The following CAPN3 variants were observed in gnomAD, a reference collection of about 807,000 sequenced individuals.
CAPN3 encodes the protein calpain 3.
In CAPN3, 88 loss-of-function variants were observed where a neutral mutation model predicts 114.0. The observed-to-expected ratio is 0.77, with a 90% CI of 0.65 to 0.92. The LOEUF is 0.92. CAPN3 is among the 40% of genes least tolerant of loss of function. The pLI, the probability that CAPN3 is intolerant of heterozygous loss-of-function variation, is 0.00. For missense variants in CAPN3, 1,028 were observed against 1,069.0 expected, an observed-to-expected ratio of 0.96 and a Z score of 0.53; for synonymous variants, 386 against 382.9, an observed-to-expected ratio of 1.01 and a Z score of -0.09.
chr15:42,391,795 C>G (rs983364714), intron 6 of CAPN3, among the ~76,000 whole-genome samples: 4 of 152,126 alleles, frequency 2.6e-5, no homozygotes, highest in Admixed American at 6.5e-5. Flanking sequence ...AGAATTCTCT[C>G]CCTGGGCACT....
chr15:42,381,562 A>T (rs1387591800), intron 1 of CAPN3, among the ~76,000 whole-genome samples: 1 of 152,074 alleles, frequency 6.6e-6, no homozygotes, highest in Non-Finnish European at 1.5e-5. Context: ...TTTTTCTGAG[A>T]CAGAGTCTCA....
At chr15:42,407,576 G>T (rs1018553593) in intron 15 of CAPN3, among the ~76,000 whole-genome samples, 1 of 152,142 alleles carries the variant, frequency 6.6e-6, no homozygotes, top group African/African-American at 2.4e-5. Flanking sequence ...TGATCTGCCT[G>T]CTTCGGCCTC....
rs769632534 is a variant in CAPN3 at position 42,402,771 on chromosome 15, C to G, written c.1537-23C>G. 6.8e-6 allele frequency: 11 copies of G among 1,612,314 alleles called. No individual in the cohort carries two copies. In the African/African-American group the frequency reaches 1.5e-4, roughly 22 times the overall value. ...TGTTCCTCCCGAGGGGCTCATGTGC[C>G]CTGGGCTCTCCCCATCTCTCAGATG... is the stretch of plus-strand genomic sequence containing the variant. On this transcript the variant is annotated intron_variant, in intron 12 of 23. Coordinates refer to ENST00000397163, the MANE Select transcript of CAPN3 (RefSeq NM_000070.3).
chr15:42,382,139 A>C (rs1412932729), intron 1 of CAPN3, among the ~76,000 whole-genome samples: 1 of 152,116 alleles, frequency 6.6e-6, no homozygotes, highest in Non-Finnish European at 1.5e-5. Flanking sequence ...TTGCTACTGG[A>C]AAGTCTGATA....
intron 7 of CAPN3, among the ~76,000 whole-genome samples, chr15:42,393,441 T>TA (rs1353600860): frequency 6.6e-6 from 1 of 152,230 alleles, no homozygotes; most frequent in African/African-American, 2.4e-5. Flanking sequence ...AGGAACGTTG[T>TA]AAGACCTGTT....
chr15:42,377,799 G>A (rs917669715), intron 1 of CAPN3, among the ~76,000 whole-genome samples: 2 of 152,028 alleles, frequency 1.3e-5, no homozygotes, highest in Admixed American at 6.6e-5. Flanking sequence ...TCTGGTTCTG[G>A]TGCCTTCTTT....
intron 1 of CAPN3, among the ~76,000 whole-genome samples, chr15:42,368,689 GAAT>G (rs2052851884): frequency 6.6e-6 from 1 of 152,176 alleles, no homozygotes; most frequent in Non-Finnish European, 1.5e-5. Flanking sequence ...TAACTACCAA[GAAT>G]AATGAGTATT....
At position 42,409,972 on chromosome 15, in the gene CAPN3, C is replaced by T. The variant is rs764370512; in HGVS notation, c.2092C>T (p.Arg698Cys). 8 of 1,612,032 alleles carry T rather than the reference C, an allele frequency of 5.0e-6. No homozygotes were observed. Among genetic ancestry groups the T allele is most frequent in the Admixed American group, 1.7e-5 (1 of 59,994 alleles). ...KTHGFTLESC[R>C]SMIALMDTDG... The stretch of plus-strand genomic sequence containing the variant: ...ACACGGGTTCACACTGGAGTCCTGC[C>T]GTAGCATGATTGCGCTCATGGATGT... Residue 698 changes from arginine (R) to cysteine (C), a missense_variant, in exon 19 of 24, where the codon CGT (arginine) becomes TGT (cysteine). Transcript: ENST00000397163.
chr15:42,392,820 C>A, intron 7 of CAPN3, 98 bp downstream of exon 7: 1 of 870,974 alleles, frequency 1.1e-6, no homozygotes, highest in Non-Finnish European at 1.9e-6. Context: ...GTCTGCAGAG[C>A]TTGCCTCCAA....
chr15:42,398,520 G>T (rs2141190292), intron 9 of CAPN3, among the ~76,000 whole-genome samples: 1 of 150,672 alleles, frequency 6.6e-6, no homozygotes, highest in South Asian at 2.1e-4. Flanking sequence ...GGAGGTGGAG[G>T]TTGCAGTGAG....
intron 1 of CAPN3, among the ~76,000 whole-genome samples, chr15:42,376,328 C>G (rs1020207213): frequency 1.3e-5 from 2 of 152,190 alleles, no homozygotes; most frequent in African/African-American, 4.8e-5. Flanking sequence ...GAATCTGCAT[C>G]AATTATTGGG....
intron 15 of CAPN3, among the ~76,000 whole-genome samples, chr15:42,407,129 A>G (rs1185813324): frequency 6.6e-6 from 1 of 152,138 alleles, no homozygotes; most frequent in Non-Finnish European, 1.5e-5. Context: ...TGTTGGCACC[A>G]TGCAGCAGCC....
chr15:42,390,152 C>T lies in CAPN3; in HGVS notation c.945+56C>T, dbSNP rs28364427. 8,595 of 1,599,366 alleles carry T rather than the reference C, an allele frequency of 5.4e-3. 405 individuals carry two copies. The African/African-American group carries it at 0.1, about 19-fold the overall frequency. On this transcript the variant is annotated intron_variant, in intron 6 of 23. Coordinates refer to ENST00000397163, the MANE Select transcript of CAPN3 (RefSeq NM_000070.3). ...CATCCCTCCAACCCACATGACCCCGCCCTATTAGTGTCAGACTCCCCTCAG... is the reference window on the plus strand; with the variant it reads ...CATCCCTCCAACCCACATGACCCCGTCCTATTAGTGTCAGACTCCCCTCAG...
chr15:42,411,455 G>A (rs997504897), intron 23 of CAPN3, 110 bp downstream of exon 23: 4 of 1,042,748 alleles, frequency 3.8e-6, no homozygotes, highest in Admixed American at 3.4e-5. Context: ...CAGTGGTGGA[G>A]GGAAGGGATA....
chr15:42,400,225 C>T (rs954112549), intron 10 of CAPN3, among the ~76,000 whole-genome samples: 1 of 152,146 alleles, frequency 6.6e-6, no homozygotes. Flanking sequence ...ACTGTGAGTA[C>T]TGTGTCAGTA....
Position 42,388,921 on chromosome 15 carries a change from C to T in CAPN3, c.633-7C>T, listed in dbSNP as rs1346740999. On this transcript the variant is annotated splice_polypyrimidine_tract_variant and splice_region_variant and intron_variant, in intron 4 of 23. Transcript: ENST00000397163. ...GACCCCAAATTGGTCTTCATCCTCTCTCTAAGGCTCCATGGTTCCTACGAA... is the reference window on the plus strand; with the variant it reads ...GACCCCAAATTGGTCTTCATCCTCTTTCTAAGGCTCCATGGTTCCTACGAA... 6 of 1,613,800 alleles carry T rather than the reference C, an allele frequency of 3.7e-6. No homozygotes were observed. The East Asian group carries it at 1.1e-4, about 30-fold the overall frequency.
chr15:42,405,608 G>C (rs961937511), intron 14 of CAPN3, among the ~76,000 whole-genome samples: 3 of 152,068 alleles, frequency 2.0e-5, no homozygotes, highest in Admixed American at 2.0e-4. Flanking sequence ...CAGCACGCCC[G>C]GCCACCAATT....
intron 2 of CAPN3, chr15:42,385,590 T>G: frequency 2.0e-6 from 1 of 502,028 alleles, no homozygotes. Flanking sequence ...TCCAACTACA[T>G]ACAGTACTCT....
At chr15:42,385,715 C>G (rs777641178) in intron 2 of CAPN3, 2 of 520,878 alleles carry the variant, frequency 3.8e-6, no homozygotes, top group Non-Finnish European at 7.7e-6. Context: ...GGCCTTCCTT[C>G]CAATACAAAT....
Sources: gnomAD v4.1 joint callset for allele counts (sites outside exome capture counted in the v4.1 genomes callset) on GRCh38, gnomAD v4.1.1 for gene constraint, MANE v1.5 for transcripts, NCBI Gene and HGNC (gene_info 2026-07-23, HGNC 2026-07-21) for gene names.